The following HINT3 variants were observed in gnomAD, a reference collection of about 807,000 sequenced individuals.
HINT3 encodes histidine triad nucleotide binding protein 3.
A neutral mutation model predicts 19.1 loss-of-function variants in HINT3; 16 were observed. That is an observed-to-expected ratio of 0.84 (90% confidence interval 0.57 to 1.27). The LOEUF (loss-of-function observed/expected upper bound fraction) is 1.27, where lower values mean the gene tolerates loss of function less well. HINT3 is among the 50% of genes most tolerant of loss of function. The probability of loss-of-function intolerance (pLI) is 0.00; values close to 1 mark genes in which losing one functional copy is unlikely to be tolerated. For missense variants in HINT3, 197 were observed against 225.8 expected (o/e 0.87, Z 0.82); for synonymous variants, 75 against 84.8 (o/e 0.88, Z 0.63).
At chr6:125,964,064 A>G (rs1004376607) in intron 1 of HINT3, among the ~76,000 whole-genome samples, 22 of 152,324 alleles carry the variant, frequency 1.4e-4, no homozygotes, top group African/African-American at 5.0e-4. Flanking sequence ...AAAGATGAAT[A>G]TGGCATGCCC....
rs537273461 is a variant in HINT3, at chr6:125,967,326, C to CT, written c.319+345dup. 4.9e-3 allele frequency among the ~76,000 whole-genome samples: 463 copies of CT among 95,150 alleles called. 3 individuals are homozygous for CT. Among genetic ancestry groups the CT allele is most frequent in the Middle Eastern group, 5.7e-3 (1 of 174 alleles). 62.4% of individuals were successfully genotyped at this position (95,150 alleles called of 152,430 possible). Reference sequence around the variant, plus strand: ...TCCAAAAGATAATATATTTTTATGACTTTTTTTTTTTTTTTTTTTTTTTGA... The same window carrying CT: ...TCCAAAAGATAATATATTTTTATGACTTTTTTTTTTTTTTTTTTTTTTTTGA... On this transcript the variant is annotated intron_variant, in intron 2 of 4. Transcript: ENST00000229633.
At chr6:125,961,704 T>C (rs961951324) in intron 1 of HINT3, among the ~76,000 whole-genome samples, 12 of 152,150 alleles carry the variant, frequency 7.9e-5, no homozygotes, top group Admixed American at 2.0e-4. Flanking sequence ...CCCAGGAGCC[T>C]CCATGAGTTC....
chr6:125,966,327 A>T (rs762970786), intron 1 of HINT3, among the ~76,000 whole-genome samples: 6 of 152,174 alleles, frequency 3.9e-5, no homozygotes, highest in Non-Finnish European at 8.8e-5. Context: ...ATATACTGGA[A>T]TTTGTTTCAG....
chr6:125,974,923 G>C lies in HINT3; in HGVS notation c.466G>C (p.Gly156Arg). The change falls in exon 4 of 5, where the codon GGC (glycine) becomes CGC (arginine). Residue 156 changes from glycine to arginine, a missense_variant. Physicochemically the swap from Gly to Arg is moderately radical, Grantham distance 125. Transcript: ENST00000229633. ...LHVLAPVDQL[G>R]FLSKLVYRVN... ...TGTTCTGGCACCAGTGGATCAGCTT[G>C]GCTTCTTATCCAAGTTGGTTTATAG... 6.2e-7 allele frequency: 1 copy of C among 1,613,820 alleles called. No individual in the cohort carries two copies. Among genetic ancestry groups the C allele is most frequent in the Non-Finnish European group, 8.5e-7 (1 of 1,179,786 alleles).
At chr6:125,957,199 G>C (rs775078961) in intron 1 of HINT3, 21 bp downstream of exon 1, 26 of 1,536,616 alleles carry the variant, frequency 1.7e-5, no homozygotes, top group Non-Finnish European at 2.0e-5. Context: ...ACGCGCGGCC[G>C]GGGGTGGGTG....
intron 2 of HINT3, among the ~76,000 whole-genome samples, chr6:125,968,758 T>C (rs946606226): frequency 6.6e-6 from 1 of 152,168 alleles, no homozygotes; most frequent in Non-Finnish European, 1.5e-5. Context: ...CATTTCCTGA[T>C]GATTAGTGAT....
chr6:125,962,840 T>G (rs1021922915), intron 1 of HINT3, among the ~76,000 whole-genome samples: 1 of 152,186 alleles, frequency 6.6e-6, no homozygotes, highest in Non-Finnish European at 1.5e-5. Flanking sequence ...GGGCAATATC[T>G]TACTTTTTCA....
intron 1 of HINT3, among the ~76,000 whole-genome samples, chr6:125,957,636 G>C (rs1455467096): frequency 6.6e-6 from 1 of 152,214 alleles, no homozygotes; most frequent in African/African-American, 2.4e-5. Flanking sequence ...AATAGGTAAT[G>C]ATAATTGTGG....
chr6:125,968,047 A>G (rs1457622790), intron 2 of HINT3, among the ~76,000 whole-genome samples: 2 of 152,230 alleles, frequency 1.3e-5, no homozygotes, highest in Non-Finnish European at 2.9e-5. Flanking sequence ...ATGGTACATG[A>G]GCAGGTTTAT....
At position 125,966,870 on chromosome 6, in the gene HINT3, A is replaced by G; in HGVS notation, c.202-17A>G. 6.6e-7 allele frequency: 1 copy of G among 1,515,268 alleles called. No individual in the cohort carries two copies. The highest frequency in any genetic ancestry group is 9.1e-7 in the Non-Finnish European group (1 of 1,096,074). 93.9% of individuals were successfully genotyped at this position (1,515,268 alleles called of 1,614,324 possible). On this transcript the variant is annotated splice_polypyrimidine_tract_variant and intron_variant, in intron 1 of 4. Transcript: ENST00000229633. ...AATTCTTTTTAAAAATTCACTAACA[A>G]ATGTTTTTTCCTTTAGAATGAGGAC...
rs544774648 is a variant in HINT3 at position 125,967,039 on chromosome 6, A to G, written c.319+35A>G. On this transcript the variant is annotated intron_variant, in intron 2 of 4. Transcript: ENST00000229633. ...TGGCAGTATTCTTCATGTTTATATCATTTTCAGTTGGTATCAGTGATGGCA... is the reference window on the plus strand; with the variant it reads ...TGGCAGTATTCTTCATGTTTATATCGTTTTCAGTTGGTATCAGTGATGGCA... 3.8e-6 allele frequency: 5 copies of G among 1,309,232 alleles called. No homozygotes were observed. In the Admixed American group the frequency reaches 9.0e-5, roughly 24 times the overall value. 81.1% of individuals were successfully genotyped at this position (1,309,232 alleles called of 1,614,324 possible).
At chr6:125,960,661 G>GGGGC (rs1482674744) in intron 1 of HINT3, among the ~76,000 whole-genome samples, 1 of 144,102 alleles carries the variant, frequency 6.9e-6, no homozygotes, top group East Asian at 2.5e-4. Flanking sequence ...TCTCTGGGGG[G>GGGGC]GGGGAAAAAA....
intron 4 of HINT3, among the ~76,000 whole-genome samples, chr6:125,975,663 C>T (rs542284424): frequency 6.6e-5 from 10 of 151,502 alleles, no homozygotes; most frequent in East Asian, 2.0e-4. Flanking sequence ...CTGCAACCTC[C>T]GCCTCCCGGG....
chr6:125,973,383 C>A (rs1438222259), intron 3 of HINT3, among the ~76,000 whole-genome samples: 2 of 152,038 alleles, frequency 1.3e-5, no homozygotes, highest in Admixed American at 6.6e-5. Flanking sequence ...CGGGCCTTTT[C>A]AAATGTTTTA....
intron 4 of HINT3, 56 bp downstream of exon 4, chr6:125,975,029 T>C: frequency 6.4e-7 from 1 of 1,571,016 alleles, no homozygotes; most frequent in Non-Finnish European, 8.7e-7. Context: ...ATCCTTTTCA[T>C]TGTAGTTTTT....
At chr6:125,970,085 C>A (rs1789078061) in intron 2 of HINT3, among the ~76,000 whole-genome samples, 1 of 152,082 alleles carries the variant, frequency 6.6e-6, no homozygotes, top group Non-Finnish European at 1.5e-5. Context: ...CATGATAGAT[C>A]AATTGGGCTA....
intron 1 of HINT3, among the ~76,000 whole-genome samples, chr6:125,964,795 C>G (rs1274743401): frequency 6.6e-6 from 1 of 151,390 alleles, no homozygotes; most frequent in Non-Finnish European, 1.5e-5. Flanking sequence ...ATATTTTTGC[C>G]AGCGTATCTA....
Position 125,974,936 on chromosome 6 carries a change from A to C in HINT3, c.479A>C (p.Lys160Thr). The C allele has an allele frequency of 6.2e-7, 1 of 1,613,968 alleles. No homozygotes were observed. The highest frequency in any genetic ancestry group is 1.1e-5 in the South Asian group (1 of 91,068). Residue 160 changes from lysine to threonine, a missense_variant, in exon 4 of 5, where the codon AAG becomes ACG. Physicochemically the swap from Lys to Thr is moderately conservative, Grantham distance 78 (BLOSUM62 -1). Transcript: ENST00000229633. ...APVDQLGFLSKLVYRVNSYWF... is the reference protein window; with the variant it reads ...APVDQLGFLSTLVYRVNSYWF... ...GTGGATCAGCTTGGCTTCTTATCCA[A>C]GTTGGTTTATAGAGTCAATTCCTAT...
At chr6:125,965,431 G>T (rs1324562329) in intron 1 of HINT3, among the ~76,000 whole-genome samples, 1 of 152,124 alleles carries the variant, frequency 6.6e-6, no homozygotes, top group Non-Finnish European at 1.5e-5. Flanking sequence ...GTAGGATTGT[G>T]GCAATTTTCT....
Sources: gnomAD v4.1 joint callset for allele counts (sites outside exome capture counted in the v4.1 genomes callset) on GRCh38, gnomAD v4.1.1 for gene constraint, MANE v1.5 for transcripts, NCBI Gene and HGNC (gene_info 2026-07-23, HGNC 2026-07-21) for gene names.